Variants in CCDC171 observed in about 807,000 individuals in gnomAD.
The protein encoded by CCDC171 is coiled-coil domain-containing protein 171.
CCDC171 carries 177 observed loss-of-function variants against 168.2 expected under a neutral mutation model. The ratio of observed to expected loss-of-function variants is 1.05; its 90% CI spans 0.93 to 1.19. The LOEUF is 1.19. Ranked by LOEUF, CCDC171 falls within the 50% of genes most tolerant of loss-of-function variation. The pLI, the probability that CCDC171 is intolerant of heterozygous loss-of-function variation, is 0.00. For missense variants in CCDC171, 1,991 were observed against 1,539.0 expected, an observed-to-expected ratio of 1.29 and a Z score of -4.91; for synonymous variants, 687 against 540.8, an observed-to-expected ratio of 1.27 and a Z score of -3.75.
At chr9:15,858,102 T>TC (rs2130921362) in intron 23 of CCDC171, among the ~76,000 whole-genome samples, 1 of 151,860 alleles carries the variant, frequency 6.6e-6, no homozygotes, top group South Asian at 2.1e-4. Context: ...ACTGTAGCCT[T>TC]CCCCTCCTGG....
At chr9:15,842,528 G>A (rs1338760421) in intron 21 of CCDC171, among the ~76,000 whole-genome samples, 1 of 151,884 alleles carries the variant, frequency 6.6e-6, no homozygotes, top group Non-Finnish European at 1.5e-5. Flanking sequence ...TTCAACTAGA[G>A]TTTGCTGAAA....
intron 18 of CCDC171, among the ~76,000 whole-genome samples, chr9:15,749,063 A>G (rs1454841486): frequency 6.6e-6 from 1 of 152,114 alleles, no homozygotes; most frequent in African/African-American, 2.4e-5. Context: ...TGCTGTATTC[A>G]GGAGACCCAT....
At chr9:15,906,235 G>A (rs1190055756) in intron 24 of CCDC171, among the ~76,000 whole-genome samples, 3 of 152,148 alleles carry the variant, frequency 2.0e-5, no homozygotes, top group Non-Finnish European at 4.4e-5. Context: ...GAGAATTTTA[G>A]ACCAATGTCC....
At chr9:15,751,758 T>G (rs1227194819) in intron 18 of CCDC171, among the ~76,000 whole-genome samples, 1 of 152,002 alleles carries the variant, frequency 6.6e-6, no homozygotes. Flanking sequence ...AAAAATTAAC[T>G]CAAGATGGAC....
rs913033591 is a variant in CCDC171, at chr9:15,904,503, A to G, written c.3601-15767A>G. Among the ~76,000 whole-genome samples the G allele has an allele frequency of 1.8e-3, 276 of 151,944 alleles. 1 individual carries two copies. The highest frequency in any genetic ancestry group is 3.4e-3 in the Middle Eastern group (1 of 292). On this transcript the variant is annotated intron_variant, in intron 24 of 25. Transcript: ENST00000380701. ...ATTTTGTCACCACCAGGCCTGCCCT[A>G]AAAGAGCTCCTGAAGGAAGCACTAA...
chr9:15,582,802 G>C (rs1204361182), intron 4 of CCDC171, among the ~76,000 whole-genome samples: 1 of 151,942 alleles, frequency 6.6e-6, no homozygotes, highest in Non-Finnish European at 1.5e-5. Context: ...GGCTGGGGGA[G>C]GGATAGCATC....
chr9:15,874,596 C>G lies in CCDC171; in HGVS notation c.3533C>G (p.Pro1178Arg), dbSNP rs372541342. The change falls in exon 24 of 26, where the codon CCC (proline) becomes CGC (arginine). Residue 1178 changes from proline to arginine, a missense_variant. Physicochemically the swap from Pro to Arg is moderately radical, Grantham distance 103 (BLOSUM62 -2). Transcript: ENST00000380701. The stretch of plus-strand genomic sequence containing the variant: ...AGGAATGACTTCACCCTACAGCTAC[C>G]CAAACTGCACCTGGAGACCTTTGCA... ...ASRNDFTLQL[P>R]KLHLETFAME... 34 of 1,606,566 alleles carry G rather than the reference C, an allele frequency of 2.1e-5. No homozygotes were observed. Among genetic ancestry groups the G allele is most frequent in the Non-Finnish European group, 2.6e-5 (31 of 1,176,652 alleles).
chr9:15,853,817 GT>G (rs1588859733), intron 23 of CCDC171, among the ~76,000 whole-genome samples: 1 of 151,360 alleles, frequency 6.6e-6, no homozygotes, highest in East Asian at 1.9e-4. Flanking sequence ...ATTCAGTTTT[GT>G]CAAATGCTTT....
chr9:16,012,059 G>C (rs1422189672), intron 3 of CCDC171, among the ~76,000 whole-genome samples: 1 of 152,154 alleles, frequency 6.6e-6, no homozygotes, highest in African/African-American at 2.4e-5. Context: ...CTTGTGGACT[G>C]ATCTGCAAAT....
At chr9:15,583,408 C>CA (rs753789809) in intron 4 of CCDC171, among the ~76,000 whole-genome samples, 49,906 of 95,438 alleles carry the variant, frequency 0.52, 11,340 homozygotes, top group East Asian at 0.82. Flanking sequence ...GACTCCATCT[C>CA]AAAAAAAAAA....
intron 6 of CCDC171, among the ~76,000 whole-genome samples, chr9:15,612,118 C>T (rs2043741825): frequency 6.6e-6 from 1 of 152,158 alleles, no homozygotes; most frequent in South Asian, 2.1e-4. Flanking sequence ...TCCCATCTTC[C>T]AGAACTGTGA....
intron 25 of CCDC171, among the ~76,000 whole-genome samples, chr9:15,956,899 A>G (rs1829851109): frequency 6.6e-6 from 1 of 152,092 alleles, no homozygotes; most frequent in Non-Finnish European, 1.5e-5. Flanking sequence ...TACTATTATT[A>G]ATGATGTAAT....
In CCDC171 at chr9:15,737,395, A is replaced by C. The variant is rs184343415; in HGVS notation, c.2050-6878A>C. Among the ~76,000 whole-genome samples the C allele has an allele frequency of 3.4e-3, 512 of 152,290 alleles. 7 individuals are homozygous for C. Among genetic ancestry groups the C allele is most frequent in the Non-Finnish European group, 3.5e-3 (235 of 68,018 alleles). On this transcript the variant is annotated intron_variant, in intron 16 of 25. Transcript: ENST00000380701. ...ATTTAGAAGAGGAGATAGATGGTCAAAGTTTGAGGAGGCTTAGCAGAGGAG... is the reference window on the plus strand; with the variant it reads ...ATTTAGAAGAGGAGATAGATGGTCACAGTTTGAGGAGGCTTAGCAGAGGAG...
At chr9:15,674,052 T>C (rs2049328332) in intron 9 of CCDC171, among the ~76,000 whole-genome samples, 1 of 152,206 alleles carries the variant, frequency 6.6e-6, no homozygotes, top group South Asian at 2.1e-4. Context: ...ATTCAGAGAT[T>C]CAACTTCTTT....
chr9:15,725,185 TTTTG>T (rs1281387548), intron 14 of CCDC171, among the ~76,000 whole-genome samples: 5 of 152,364 alleles, frequency 3.3e-5, no homozygotes, highest in Middle Eastern at 3.4e-3. Flanking sequence ...AACTAATTTT[TTTTG>T]TTTATCATGT....
downstream of CCDC171, among the ~76,000 whole-genome samples, chr9:15,976,735 C>A (rs1373010966): frequency 1.3e-5 from 2 of 151,422 alleles, no homozygotes; most frequent in African/African-American, 4.8e-5. Context: ...TTCTCCCTGC[C>A]TTTTGTTATA....
intron 8 of CCDC171, among the ~76,000 whole-genome samples, chr9:15,664,012 A>G (rs2048527520): frequency 6.6e-6 from 1 of 152,194 alleles, no homozygotes; most frequent in Non-Finnish European, 1.5e-5. Flanking sequence ...CAACTCAGAA[A>G]CAGTCAAATA....
the CCDC171 span, among the ~76,000 whole-genome samples, chr9:16,075,304 AC>A: frequency 1.3e-5 from 2 of 152,048 alleles, no homozygotes; most frequent in East Asian, 3.9e-4. Context: ...GTCAACTGTT[AC>A]TTTTTCTTGT....
chr9:15,660,505 T>C lies in CCDC171; in HGVS notation c.915+3286T>C, dbSNP rs537846763. ...TCCCTCTAGTAGTCCCCAGTGTGTA[T>C]TGCTGTCGTCTTTATGTCCACAAGT... On this transcript the variant is annotated intron_variant, in intron 8 of 25. Transcript: ENST00000380701. 4.6e-5 allele frequency among the ~76,000 whole-genome samples: 7 copies of C among 152,308 alleles called. No individual in the cohort carries two copies. The South Asian group carries it at 1.0e-3, about 23-fold the overall frequency.
Sources: allele counts gnomAD v4.1 joint callset (sites outside exome capture counted in the v4.1 genomes callset), GRCh38; gene constraint gnomAD v4.1.1; transcripts MANE v1.5; gene names NCBI Gene and HGNC (gene_info 2026-07-23, HGNC 2026-07-21).